Variants in SLC67A2 observed in about 807,000 individuals in gnomAD.
The protein encoded by SLC67A2 is solute carrier family 67 member 2, also known as solute carrier family 67 member A2.
chr2:102,719,426 C>A, the SLC67A2 span, among the ~76,000 whole-genome samples: 5 of 152,328 alleles, frequency 3.3e-5, 1 homozygote, highest in African/African-American at 1.2e-4. Flanking sequence ...AAAAAGAACA[C>A]CACGATACCT....
chr2:102,726,948 TCTTCCCA>T, the SLC67A2 span: 2 of 1,613,010 alleles, frequency 1.2e-6, no homozygotes, highest in Non-Finnish European at 1.7e-6. Context: ...AGGAAGACCG[TCTTCCCA>T]CTACATCGCT....
the SLC67A2 span, chr2:102,736,814 C>G: frequency 1.3e-6 from 2 of 1,597,074 alleles, no homozygotes; most frequent in South Asian, 1.1e-5. Flanking sequence ...GCTCCATACC[C>G]GCGCCGGCCG....
chr2:102,725,136 C>T, the SLC67A2 span, among the ~76,000 whole-genome samples: 9 of 152,266 alleles, frequency 5.9e-5, no homozygotes, highest in South Asian at 1.0e-3. Flanking sequence ...GAAAATGAGG[C>T]GTCCAACTCA....
the SLC67A2 span, chr2:102,730,908 G>A: frequency 1.5e-5 from 13 of 845,202 alleles, no homozygotes; most frequent in Admixed American, 2.3e-5. Context: ...GGGAATTGTA[G>A]GAAGAACATA....
At chr2:102,736,144 G>A in the SLC67A2 span, among the ~76,000 whole-genome samples, 5 of 152,138 alleles carry the variant, frequency 3.3e-5, no homozygotes, top group African/African-American at 1.2e-4. Context: ...ACTCTGATCT[G>A]CATTTTTTAA....
chr2:102,723,990 T>A, the SLC67A2 span: 1 of 1,184,824 alleles, frequency 8.4e-7, no homozygotes, highest in Non-Finnish European at 1.3e-6. Context: ...TTAACCTCTA[T>A]CCCTGATGGA....
the SLC67A2 span, chr2:102,736,846 C>T: frequency 2.6e-6 from 4 of 1,568,588 alleles, no homozygotes; most frequent in Non-Finnish European, 3.5e-6. Flanking sequence ...CAGCAGCAGC[C>T]GCGGACCTAC....
the SLC67A2 span, among the ~76,000 whole-genome samples, chr2:102,723,398 C>T: frequency 7.2e-5 from 11 of 151,758 alleles, no homozygotes; most frequent in South Asian, 2.1e-4. Context: ...GAATCTGGGA[C>T]GGGGAGGTTG....
the SLC67A2 span, among the ~76,000 whole-genome samples, chr2:102,719,567 ATC>A: frequency 1.3e-5 from 2 of 152,232 alleles, no homozygotes; most frequent in African/African-American, 4.8e-5. Flanking sequence ...CCTATTCATT[ATC>A]TGTCTGTCCA....
At chr2:102,718,724 A>G in the SLC67A2 span, 13 of 1,613,780 alleles carry the variant, frequency 8.1e-6, no homozygotes, top group Non-Finnish European at 1.1e-5. Flanking sequence ...AACTGCACCC[A>G]TGGTGGGGGC....
At chr2:102,727,291 T>C in the SLC67A2 span, among the ~76,000 whole-genome samples, 1 of 152,174 alleles carries the variant, frequency 6.6e-6, no homozygotes, top group Non-Finnish European at 1.5e-5. Context: ...TCCATTCTCA[T>C]TACTTTATAA....
the SLC67A2 span, among the ~76,000 whole-genome samples, chr2:102,733,966 T>C: frequency 1.3e-5 from 2 of 152,200 alleles, no homozygotes; most frequent in Non-Finnish European, 2.9e-5. Flanking sequence ...CCACTGAATC[T>C]TTCCTCTCAG....
At chr2:102,717,220 A>G in the SLC67A2 span, 7 of 151,704 alleles carry the variant, frequency 4.6e-5, no homozygotes, top group Non-Finnish European at 7.4e-5. Flanking sequence ...TTTTTAGTAG[A>G]GACGGGGTTT....
the SLC67A2 span, chr2:102,732,366 T>C: frequency 5.0e-6 from 8 of 1,613,784 alleles, no homozygotes; most frequent in Non-Finnish European, 5.9e-6. Context: ...GGACTTGACA[T>C]GAAGGCTCAA....
chr2:102,715,789 A>G, the SLC67A2 span: 12 of 152,224 alleles, frequency 7.9e-5, no homozygotes, highest in African/African-American at 2.7e-4. Context: ...GACACACTGG[A>G]AAGGGCTACA....
chr2:102,718,654 G>A, the SLC67A2 span: 3 of 1,613,936 alleles, frequency 1.9e-6, no homozygotes, highest in Non-Finnish European at 2.5e-6. Flanking sequence ...TCAGCTGGAG[G>A]TCCGTGATGC....
the SLC67A2 span, among the ~76,000 whole-genome samples, chr2:102,729,704 A>C: frequency 6.6e-6 from 1 of 152,214 alleles, no homozygotes; most frequent in African/African-American, 2.4e-5. Flanking sequence ...TAGGTAGCTT[A>C]GTCAAATTAA....
the SLC67A2 span, among the ~76,000 whole-genome samples, chr2:102,728,181 T>A: frequency 6.6e-6 from 1 of 152,094 alleles, no homozygotes; most frequent in South Asian, 2.1e-4. Context: ...CACTATACTA[T>A]CAATGGAGCA....
the SLC67A2 span, chr2:102,717,011 G>A: frequency 6.6e-6 from 1 of 152,154 alleles, no homozygotes; most frequent in African/African-American, 2.4e-5. Context: ...GTGTTTGCAG[G>A]CGTGAAACTA....
Sources: allele counts gnomAD v4.1 joint callset (sites outside exome capture counted in the v4.1 genomes callset), GRCh38; gene constraint gnomAD v4.1.1; transcripts MANE v1.5; gene names NCBI Gene and HGNC (gene_info 2026-07-23, HGNC 2026-07-21).